The following FAM167B variants were observed in gnomAD, a reference collection of about 807,000 sequenced individuals.
FAM167B encodes family with sequence similarity 167 member B.
A neutral mutation model predicts 15.4 loss-of-function variants in FAM167B; 7 were observed. The observed-to-expected ratio is 0.46, with a 90% confidence interval of 0.26 to 0.86. FAM167B has a LOEUF of 0.86. FAM167B is among the 40% of genes least tolerant of loss of function. The pLI is 0.17. For synonymous variants in FAM167B, 100 were observed against 94.6 expected, an observed-to-expected ratio of 1.06 and a Z score of -0.33; for missense variants, 207 against 208.3, an observed-to-expected ratio of 0.99 and a Z score of 0.04.
At position 32,248,563 on chromosome 1, in the gene FAM167B, C is replaced by A. The variant is rs766185210; in HGVS notation, c.454C>A (p.Arg152Ser). The change falls in exon 2 of 2, where the codon CGC (arginine) becomes AGC (serine). Residue 152 changes from arginine to serine, a missense_variant. By Grantham distance (110) the Arg-to-Ser change is moderately radical. Coordinates refer to ENST00000373582, the MANE Select transcript of FAM167B (RefSeq NM_032648.3). The part of the protein sequence containing the change: ...APLLRHLGLT[R>S]MNISARRFTL... ...GCTGCTGCGGCACCTGGGCCTCACG[C>A]GCATGAACATCAGCGCCCGGCGCTT... The A allele has an allele frequency of 3.2e-6, 5 of 1,549,216 alleles. No individual in the cohort carries two copies. In the South Asian group the frequency reaches 5.9e-5, roughly 18 times the overall value.
Position 32,247,246 on chromosome 1 carries a change from GCTCA to G in FAM167B, c.-170_-167del, listed in dbSNP as rs1308561126. Reference sequence around the variant, plus strand: ...CATACTTGGCCTCACACACCCATCTGCTCACTCACCCTGGCACATTCAGCCCCCC... The same window carrying G: ...CATACTTGGCCTCACACACCCATCTGCTCACCCTGGCACATTCAGCCCCCC... On this transcript the variant is annotated 5_prime_UTR_variant, in exon 1 of 2. Transcript: ENST00000373582. 5.6e-6 allele frequency: 4 copies of G among 711,790 alleles called. No homozygotes were observed. Among genetic ancestry groups the G allele is most frequent in the African/African-American group, 5.6e-5 (3 of 54,008 alleles). 44.1% of individuals were successfully genotyped at this position (711,790 alleles called of 1,614,324 possible).
chr1:32,247,505 G>A lies in FAM167B; in HGVS notation c.84G>A (p.Lys28=), dbSNP rs1398623786. ...DEEGESLDSV[K]ALTAKLQLQT... is the part of the protein sequence containing the mutation. ...AGGGGGAGAGCCTGGACTCTGTGAA[G>A]GCACTGACAGCCAAGCTGCAGCTGC... The change falls in exon 1 of 2, where the codon AAG becomes AAA. Residue 28 remains lysine (K), a synonymous_variant. Coordinates refer to ENST00000373582, the MANE Select transcript of FAM167B (RefSeq NM_032648.3). The A allele has an allele frequency of 1.2e-6, 2 of 1,608,024 alleles. No individual in the cohort carries two copies. The highest frequency in any genetic ancestry group is 2.3e-5 in the East Asian group (1 of 44,362).
chr1:32,247,306 C>A lies in FAM167B; in HGVS notation c.-116C>A. 1 of 1,376,116 alleles carries A rather than the reference C, an allele frequency of 7.3e-7. No individual in the cohort carries two copies. The highest frequency in any genetic ancestry group is 9.6e-7 in the Non-Finnish European group (1 of 1,039,506). The allele number at this position is 1,376,116 out of a possible 1,614,324, so 85.2% of individuals were successfully genotyped here. A position where few individuals can be genotyped will look rare whatever the true frequency, so the allele number is the denominator to read the frequency against. On this transcript the variant is annotated 5_prime_UTR_variant, in exon 1 of 2. Transcript: ENST00000373582. ...CACCTTGAACATTGACCACCACACA[C>A]TCCCTGGCACGCTCTTCTCACCCTC...
In FAM167B at chr1:32,248,511, G is replaced by C. The variant is rs764545395; in HGVS notation, c.402G>C (p.Glu134Asp). ...AGGCCGAGCTGGAGCTGGAGCTGGA[G>C]CCCGGGGCCGGCCTAGCCCTGGCCC... The part of the protein sequence containing the change: ...LDEAELELEL[E>D]PGAGLALAPL... Residue 134 changes from glutamate to aspartate, a missense_variant, in exon 2 of 2, where the codon GAG becomes GAC. Coordinates refer to ENST00000373582, the MANE Select transcript of FAM167B (RefSeq NM_032648.3). 6.3e-7 allele frequency: 1 copy of C among 1,578,910 alleles called. No individual in the cohort carries two copies. The highest frequency in any genetic ancestry group is 1.2e-5 in the South Asian group (1 of 86,504).
chr1:32,248,819 C>A lies in FAM167B; in HGVS notation c.*218C>A. 5.1e-6 allele frequency: 3 copies of A among 586,850 alleles called. No individual in the cohort carries two copies. The South Asian group carries it at 6.3e-5, about 12-fold the overall frequency. The allele number at this position is 586,850 out of a possible 1,614,324, so 36.4% of individuals were successfully genotyped here. On this transcript the variant is annotated 3_prime_UTR_variant, in exon 2 of 2. Transcript: ENST00000373582. ...GGAGGGGGAGGAGGAGGAGCTCACA[C>A]CCTCAAACTCCTCAATAAACGCTTT...
At position 32,248,618 on chromosome 1, in the gene FAM167B, C is replaced by A. The variant is rs775889061; in HGVS notation, c.*17C>A. The stretch of plus-strand genomic sequence containing the variant: ...CTCTGCTGAGGAACACCTGTGCCCC[C>A]CGACTCCCCGCCCCCTCTCCCAATG... On this transcript the variant is annotated 3_prime_UTR_variant, in exon 2 of 2. Coordinates refer to ENST00000373582, the MANE Select transcript of FAM167B (RefSeq NM_032648.3). 5.3e-6 allele frequency: 8 copies of A among 1,508,008 alleles called. No individual in the cohort carries two copies. The highest frequency in any genetic ancestry group is 1.2e-5 in the South Asian group (1 of 80,870). The allele number at this position is 1,508,008 out of a possible 1,614,324, so 93.4% of individuals were successfully genotyped here. A position where few individuals can be genotyped will look rare whatever the true frequency, so the allele number is the denominator to read the frequency against.
At chr1:32,248,272 A>G in intron 1 of FAM167B, 99 bp from the exon 2 acceptor site, 2 of 952,692 alleles carry the variant, frequency 2.1e-6, no homozygotes, top group Non-Finnish European at 3.1e-6. Context: ...GGGGCTGGGG[A>G]GGACACAGTC....
At position 32,248,326 on chromosome 1, in the gene FAM167B, G is replaced by T; in HGVS notation, c.262-45G>T. 3 of 1,473,572 alleles carry T rather than the reference G, an allele frequency of 2.0e-6. No individual in the cohort carries two copies. In the South Asian group the frequency reaches 3.9e-5, roughly 19 times the overall value. The allele number at this position is 1,473,572 out of a possible 1,614,324, so 91.3% of individuals were successfully genotyped here. ...TGCCAGGAAGGGAGAAACGGCGCGC[G>T]GCCGAGGGCCTGTCCAGTAGGCTCA... On this transcript the variant is annotated intron_variant, in intron 1 of 1. Transcript: ENST00000373582.
Position 32,247,302 on chromosome 1 carries a change from C to T in FAM167B, c.-120C>T. The T allele has an allele frequency of 7.4e-7, 1 of 1,353,910 alleles. No individual in the cohort carries two copies. The highest frequency in any genetic ancestry group is 1.7e-5 in the South Asian group (1 of 57,418). 83.9% of individuals were successfully genotyped at this position (1,353,910 alleles called of 1,614,324 possible). ...AACCCACCTTGAACATTGACCACCA[C>T]ACACTCCCTGGCACGCTCTTCTCAC... On this transcript the variant is annotated 5_prime_UTR_variant, in exon 1 of 2. Transcript: ENST00000373582.
chr1:32,248,832 C>T lies in FAM167B; in HGVS notation c.*231C>T, dbSNP rs565507683. ...GAGGAGCTCACACCCTCAAACTCCTCAATAAACGCTTTCTCTGGTTCCCAT... is the reference window on the plus strand; with the variant it reads ...GAGGAGCTCACACCCTCAAACTCCTTAATAAACGCTTTCTCTGGTTCCCAT... On this transcript the variant is annotated 3_prime_UTR_variant, in exon 2 of 2. Coordinates refer to ENST00000373582, the MANE Select transcript of FAM167B (RefSeq NM_032648.3). 13 of 574,508 alleles carry T rather than the reference C, an allele frequency of 2.3e-5. No individual in the cohort carries two copies. The highest frequency in any genetic ancestry group is 1.3e-4 in the South Asian group (6 of 45,722). The allele number at this position is 574,508 out of a possible 1,614,324, so 35.6% of individuals were successfully genotyped here. A position where few individuals can be genotyped will look rare whatever the true frequency, so the allele number is the denominator to read the frequency against.
intron 1 of FAM167B, 54 bp downstream of exon 1, chr1:32,247,736 T>G: frequency 7.0e-7 from 1 of 1,434,956 alleles, no homozygotes; most frequent in Non-Finnish European, 9.2e-7. Flanking sequence ...TGGTCCTCCT[T>G]AGGGTCCAAG....
In FAM167B at chr1:32,248,727, G is replaced by T; in HGVS notation, c.*126G>T. On this transcript the variant is annotated 3_prime_UTR_variant, in exon 2 of 2. Transcript: ENST00000373582. ...CCTGGCGGGGGAGGAGGAACATTCA[G>T]GTTTCTGAGAGCTGAATTCCAAGAG... The T allele has an allele frequency of 1.2e-6, 1 of 854,390 alleles. No homozygotes were observed. Among genetic ancestry groups the T allele is most frequent in the Non-Finnish European group, 1.8e-6 (1 of 569,296 alleles). 52.9% of individuals were successfully genotyped at this position (854,390 alleles called of 1,614,324 possible).
chr1:32,248,209 C>T (rs879153906), intron 1 of FAM167B, among the ~76,000 whole-genome samples, 162 bp from the exon 2 acceptor site: 10 of 151,910 alleles, frequency 6.6e-5, no homozygotes, highest in Admixed American at 6.5e-4. Flanking sequence ...GGTTTGAGAA[C>T]CACCAGGTGA....
intron 1 of FAM167B, 83 bp downstream of exon 1, chr1:32,247,765 G>C (rs1557563206): frequency 7.5e-7 from 1 of 1,327,178 alleles, no homozygotes; most frequent in Non-Finnish European, 1.0e-6. Flanking sequence ...CATGGGGAAG[G>C]GATGAGAATG....
At position 32,248,672 on chromosome 1, in the gene FAM167B, A is replaced by C. The variant is rs888856693; in HGVS notation, c.*71A>C. ...CTTCCCCTGCCTGCCTGGGAAGAGG[A>C]AAGGGAGGGGTGCCCCAGAGGCACC... On this transcript the variant is annotated 3_prime_UTR_variant, in exon 2 of 2. Transcript: ENST00000373582. 7 of 1,357,130 alleles carry C rather than the reference A, an allele frequency of 5.2e-6. No individual in the cohort carries two copies. In the African/African-American group the frequency reaches 5.8e-5, roughly 11 times the overall value. The allele number at this position is 1,357,130 out of a possible 1,614,324, so 84.1% of individuals were successfully genotyped here.
chr1:32,248,332 G>C (rs1379819632), intron 1 of FAM167B, 39 bp from the exon 2 acceptor site: 3 of 1,496,496 alleles, frequency 2.0e-6, no homozygotes, highest in Non-Finnish European at 2.7e-6. Context: ...GCGCGGCCGA[G>C]GGCCTGTCCA....
rs961298997 is a variant in FAM167B at position 32,247,534 on chromosome 1, C to T, written c.113C>T (p.Thr38Ile). 1.2e-6 allele frequency: 2 copies of T among 1,607,402 alleles called. No homozygotes were observed. The highest frequency in any genetic ancestry group is 1.7e-6 in the Non-Finnish European group (2 of 1,176,780). The change falls in exon 1 of 2, where the codon ACT becomes ATT. Residue 38 changes from threonine (T) to isoleucine (I), a missense_variant. Thr to Ile is a moderately conservative substitution (Grantham distance 89, BLOSUM62 -1). Transcript: ENST00000373582. ...KALTAKLQLQ[T>I]RRPSYLEWTA... is the part of the protein sequence containing the mutation. ...CTGACAGCCAAGCTGCAGCTGCAGACTCGGCGGCCCTCATATCTGGAGTGG... is the reference window on the plus strand; with the variant it reads ...CTGACAGCCAAGCTGCAGCTGCAGATTCGGCGGCCCTCATATCTGGAGTGG...
In FAM167B at chr1:32,248,768, T is replaced by G; in HGVS notation, c.*167T>G. Reference sequence around the variant, plus strand: ...ATTCCAAGAGTGCAAAACCCCAGCATCCTGTTTCCTCTGCTGACCCAGCTG... The same window carrying G: ...ATTCCAAGAGTGCAAAACCCCAGCAGCCTGTTTCCTCTGCTGACCCAGCTG... On this transcript the variant is annotated 3_prime_UTR_variant, in exon 2 of 2. Coordinates refer to ENST00000373582, the MANE Select transcript of FAM167B (RefSeq NM_032648.3). 1.5e-6 allele frequency: 1 copy of G among 656,862 alleles called. No homozygotes were observed. The highest frequency in any genetic ancestry group is 2.6e-6 in the Non-Finnish European group (1 of 391,412). The allele number at this position is 656,862 out of a possible 1,614,324, so 40.7% of individuals were successfully genotyped here.
Position 32,247,457 on chromosome 1 carries a change from T to C in FAM167B, c.36T>C (p.Gly12=), listed in dbSNP as rs547267308. Residue 12 remains glycine (G), a synonymous_variant, in exon 1 of 2, where the codon GGT becomes GGC. Coordinates refer to ENST00000373582, the MANE Select transcript of FAM167B (RefSeq NM_032648.3). ...GGCTACTGAAATTCCAGGCAGTGGG[T>C]GAAGAGGACGAGGAGGATGAGGAGG... ...SLGLLKFQAV[G]EEDEEDEEGE... is the part of the protein sequence containing the mutation. 8 of 1,576,698 alleles carry C rather than the reference T, an allele frequency of 5.1e-6. No individual in the cohort carries two copies. The African/African-American group carries it at 9.5e-5, about 19-fold the overall frequency.
Sources: gnomAD v4.1 joint callset for allele counts (sites outside exome capture counted in the v4.1 genomes callset) on GRCh38, gnomAD v4.1.1 for gene constraint, MANE v1.5 for transcripts, NCBI Gene and HGNC (gene_info 2026-07-23, HGNC 2026-07-21) for gene names.